Variants in XPR1 observed in about 807,000 individuals in gnomAD.
The protein encoded by XPR1 is solute carrier family 53 member 1.
XPR1 carries 28 observed loss-of-function variants against 87.5 expected under a neutral mutation model. That is an observed-to-expected ratio of 0.32 (90% CI 0.24 to 0.44). The LOEUF (loss-of-function observed/expected upper bound fraction) is 0.44, where lower values mean the gene tolerates loss of function less well. Ranked by LOEUF, XPR1 falls within the 20% of genes least tolerant of loss-of-function variation. The pLI is 1.00. For synonymous variants in XPR1, 300 were observed against 306.1 expected, an observed-to-expected ratio of 0.98 and a Z score of 0.21; for missense variants, 559 against 862.3, an observed-to-expected ratio of 0.65 and a Z score of 4.41.
intron 1 of XPR1, among the ~76,000 whole-genome samples, chr1:180,653,612 A>T (rs879844806): frequency 4.6e-5 from 7 of 152,200 alleles, no homozygotes; most frequent in African/African-American, 9.7e-5. Flanking sequence ...TATTAATGCA[A>T]TGATTGTTTC....
chr1:180,787,288 TTTTTTTTTG>T (rs925561359), intron 2 of XPR1, among the ~76,000 whole-genome samples: 7 of 144,362 alleles, frequency 4.8e-5, no homozygotes, highest in African/African-American at 8.5e-5. Flanking sequence ...TTTTTTTTGT[TTTTTTTTTG>T]TTTTTTTTGT....
At chr1:180,769,834 T>A (rs961522604) in intron 2 of XPR1, among the ~76,000 whole-genome samples, 7 of 152,180 alleles carry the variant, frequency 4.6e-5, no homozygotes, top group Non-Finnish European at 8.8e-5. Flanking sequence ...CTACTTTTAA[T>A]TTTTTGAGGA....
intron 2 of XPR1, among the ~76,000 whole-genome samples, chr1:180,742,938 G>A (rs769849424): frequency 1.3e-5 from 2 of 151,804 alleles, no homozygotes; most frequent in Non-Finnish European, 2.9e-5. Flanking sequence ...GATATTAATA[G>A]TTTCATCTTC....
chr1:180,673,102 G>T (rs1656240748), intron 1 of XPR1, among the ~76,000 whole-genome samples: 1 of 152,124 alleles, frequency 6.6e-6, no homozygotes, highest in South Asian at 2.1e-4. Context: ...AGACATAATG[G>T]TTAGCTGATA....
intron 2 of XPR1, among the ~76,000 whole-genome samples, chr1:180,712,600 G>T (rs1191949506): frequency 6.6e-6 from 1 of 152,152 alleles, no homozygotes; most frequent in Non-Finnish European, 1.5e-5. Flanking sequence ...TGAGTGAGGA[G>T]TTCAAGACCA....
chr1:180,814,562 C>T (rs1650334759), intron 7 of XPR1, among the ~76,000 whole-genome samples: 1 of 152,062 alleles, frequency 6.6e-6, no homozygotes, highest in Non-Finnish European at 1.5e-5. Context: ...CTTAAATTTG[C>T]AGGGTTGTTT....
At chr1:180,747,663 T>C (rs1365368972) in intron 2 of XPR1, among the ~76,000 whole-genome samples, 1 of 152,230 alleles carries the variant, frequency 6.6e-6, no homozygotes, top group Non-Finnish European at 1.5e-5. Context: ...AAAATTAATC[T>C]GATTTTAATT....
At chr1:180,688,083 C>T (rs1656850590) in intron 2 of XPR1, among the ~76,000 whole-genome samples, 2 of 138,684 alleles carry the variant, frequency 1.4e-5, no homozygotes, top group Admixed American at 7.4e-5. Context: ...CAGTGTCTTG[C>T]TCTCTCTCCC....
intron 1 of XPR1, among the ~76,000 whole-genome samples, chr1:180,671,400 T>C (rs956340323): frequency 1.3e-5 from 2 of 152,352 alleles, no homozygotes; most frequent in African/African-American, 2.4e-5. Context: ...TGGAATTGAC[T>C]GTATCAGATC....
chr1:180,652,582 A>G (rs1655333371), intron 1 of XPR1, among the ~76,000 whole-genome samples: 4 of 152,152 alleles, frequency 2.6e-5, no homozygotes, highest in African/African-American at 9.7e-5. Context: ...ACATATGGGA[A>G]TGTTATTTTA....
chr1:180,686,555 C>G (rs576068136), intron 2 of XPR1, among the ~76,000 whole-genome samples: 58 of 152,264 alleles, frequency 3.8e-4, no homozygotes, highest in Non-Finnish European at 7.5e-4. Flanking sequence ...AGCTTTCTGT[C>G]TCGTTGATCT....
chr1:180,641,336 G>A (rs913783764), intron 1 of XPR1, among the ~76,000 whole-genome samples: 3 of 152,116 alleles, frequency 2.0e-5, no homozygotes, highest in African/African-American at 7.2e-5. Flanking sequence ...AATAATGTTT[G>A]GCTAATATTA....
chr1:180,666,770 G>A (rs969526046), intron 1 of XPR1, among the ~76,000 whole-genome samples: 2 of 152,134 alleles, frequency 1.3e-5, no homozygotes, highest in Non-Finnish European at 2.9e-5. Context: ...ATTAGCATAT[G>A]CAAATACAGA....
intron 3 of XPR1, among the ~76,000 whole-genome samples, chr1:180,801,004 A>G (rs1649759749): frequency 6.6e-6 from 1 of 152,166 alleles, no homozygotes; most frequent in African/African-American, 2.4e-5. Context: ...TAGGTTGCCC[A>G]TTTCTGTCTT....
chr1:180,799,983 CTG>C (rs1163233204), intron 3 of XPR1, among the ~76,000 whole-genome samples: 1 of 152,148 alleles, frequency 6.6e-6, no homozygotes, highest in Admixed American at 6.5e-5. Context: ...TCTTTAAAGT[CTG>C]TGATTGTTGT....
intron 2 of XPR1, among the ~76,000 whole-genome samples, chr1:180,774,744 G>GT (rs1473511913): frequency 6.6e-6 from 1 of 152,022 alleles, no homozygotes; most frequent in Non-Finnish European, 1.5e-5. Context: ...CAATATTGAT[G>GT]TTCATCATAA....
In XPR1 at chr1:180,714,644, G is replaced by A. The variant is rs1355070956; in HGVS notation, c.121+32233G>A. Among the ~76,000 whole-genome samples, 29 of 152,084 alleles carry A rather than the reference G, an allele frequency of 1.9e-4. 1 individual carries two copies. The highest frequency in any genetic ancestry group is 6.5e-4 in the African/African-American group (27 of 41,464). On this transcript the variant is annotated intron_variant, in intron 2 of 14. Coordinates refer to ENST00000367590, the MANE Select transcript of XPR1 (RefSeq NM_004736.4). ...GGTCTTGAACTCCTGGGCTCAAGGG[G>A]TCCTCCTGCCTTGGCCGTCCAAAGT...
At chr1:180,681,882 T>G (rs1015819308) in intron 1 of XPR1, among the ~76,000 whole-genome samples, 3 of 152,186 alleles carry the variant, frequency 2.0e-5, no homozygotes, top group Non-Finnish European at 2.9e-5. Flanking sequence ...GGAGAATGGT[T>G]GCACAACAAT....
chr1:180,689,419 A>G (rs1656905384), intron 2 of XPR1, among the ~76,000 whole-genome samples: 1 of 152,216 alleles, frequency 6.6e-6, no homozygotes, highest in African/African-American at 2.4e-5. Flanking sequence ...ATACTAGACT[A>G]TTTAACTTGT....
Sources: gnomAD v4.1 joint callset for allele counts (sites outside exome capture counted in the v4.1 genomes callset) on GRCh38, gnomAD v4.1.1 for gene constraint, MANE v1.5 for transcripts, NCBI Gene and HGNC (gene_info 2026-07-23, HGNC 2026-07-21) for gene names.